Variants in CAST observed in about 807,000 individuals in gnomAD.
The protein encoded by CAST is calpastatin.
Under a neutral mutation model 119.6 loss-of-function variants are expected in CAST, and 76 were observed. The observed-to-expected ratio is 0.64, with a 90% CI of 0.53 to 0.77. CAST has a LOEUF of 0.77. CAST is among the 30% of genes least tolerant of loss of function. The pLI, the probability that CAST is intolerant of heterozygous loss-of-function variation, is 0.00. For synonymous variants in CAST, 319 were observed against 331.6 expected (o/e 0.96, Z 0.41); for missense variants, 953 against 946.5 (o/e 1.01, Z -0.09).
chr5:96,312,521 A>T, the CAST span, among the ~76,000 whole-genome samples: 86 of 152,244 alleles, frequency 5.6e-4, no homozygotes, highest in African/African-American at 1.9e-3. Context: ...AAGGCTGTCA[A>T]AACAAGGAAG....
the CAST span, among the ~76,000 whole-genome samples, chr5:96,084,934 C>T: frequency 6.6e-6 from 1 of 152,236 alleles, no homozygotes; most frequent in Non-Finnish European, 1.5e-5. Flanking sequence ...ATGCTCACTA[C>T]TGTATATGGC....
At chr5:96,301,357 G>A in the CAST span, among the ~76,000 whole-genome samples, 1 of 152,044 alleles carries the variant, frequency 6.6e-6, no homozygotes, top group Non-Finnish European at 1.5e-5. Flanking sequence ...GGGACACAGA[G>A]CCAAATCATA....
At chr5:96,612,488 C>A (rs916596942) in intron 1 of CAST, among the ~76,000 whole-genome samples, 8 of 152,162 alleles carry the variant, frequency 5.3e-5, no homozygotes, top group Non-Finnish European at 1.2e-4. Context: ...TATGTTCACT[C>A]TCTGGGTGTT....
the CAST span, among the ~76,000 whole-genome samples, chr5:96,005,505 G>A: frequency 6.6e-6 from 1 of 152,160 alleles, no homozygotes; most frequent in African/African-American, 2.4e-5. Context: ...TTTAGAAACA[G>A]AGAAGTAACT....
intron 1 of CAST, among the ~76,000 whole-genome samples, chr5:96,581,565 A>G (rs981076779): frequency 6.6e-6 from 1 of 152,200 alleles, no homozygotes; most frequent in Non-Finnish European, 1.5e-5. Context: ...TTACATATAT[A>G]CATACAAATA....
chr5:96,666,324 T>C (rs1749338629), intron 1 of CAST, among the ~76,000 whole-genome samples: 1 of 152,060 alleles, frequency 6.6e-6, no homozygotes, highest in Admixed American at 6.6e-5. Flanking sequence ...CTATGAGCTA[T>C]GTAATGATCA....
At chr5:95,964,066 C>G in the CAST span, among the ~76,000 whole-genome samples, 1 of 152,122 alleles carries the variant, frequency 6.6e-6, no homozygotes, top group Non-Finnish European at 1.5e-5. Flanking sequence ...GGTAACAAAT[C>G]TTTCACGGAT....
At chr5:96,466,838 T>C in the CAST span, among the ~76,000 whole-genome samples, 1 of 152,132 alleles carries the variant, frequency 6.6e-6, no homozygotes, top group Admixed American at 6.6e-5. Flanking sequence ...GTATTTGTAT[T>C]GCTGGAGGTA....
chr5:96,006,532 G>A, the CAST span, among the ~76,000 whole-genome samples: 1 of 152,136 alleles, frequency 6.6e-6, no homozygotes, highest in Non-Finnish European at 1.5e-5. Context: ...CTTCATCAGG[G>A]GAGTGGTAGT....
the CAST span, among the ~76,000 whole-genome samples, chr5:95,982,626 A>G: frequency 6.6e-6 from 1 of 152,204 alleles, no homozygotes; most frequent in African/African-American, 2.4e-5. Flanking sequence ...AGTGCCTCGC[A>G]GAGTGTGTGT....
the CAST span, among the ~76,000 whole-genome samples, chr5:96,237,702 C>A: frequency 6.6e-6 from 1 of 151,794 alleles, no homozygotes; most frequent in Non-Finnish European, 1.5e-5. Flanking sequence ...TCTATTGAGA[C>A]TTTAAGTATA....
the CAST span, among the ~76,000 whole-genome samples, chr5:95,988,202 G>A: frequency 1.3e-5 from 2 of 152,192 alleles, no homozygotes; most frequent in Admixed American, 1.3e-4. Flanking sequence ...AAGTAAACAA[G>A]CAAGTGGGAA....
chr5:96,133,915 T>G, the CAST span, among the ~76,000 whole-genome samples: 1 of 152,332 alleles, frequency 6.6e-6, no homozygotes, highest in East Asian at 1.9e-4. Context: ...GGGCTGCTAC[T>G]GAAGCCCTCA....
chr5:96,500,237 C>G, the CAST span, among the ~76,000 whole-genome samples: 16 of 152,236 alleles, frequency 1.1e-4, no homozygotes, highest in African/African-American at 3.9e-4. Context: ...AAAAGTGTGC[C>G]TATAGACTTG....
chr5:95,998,465 A>G, the CAST span, among the ~76,000 whole-genome samples: 5 of 152,130 alleles, frequency 3.3e-5, no homozygotes, highest in South Asian at 8.3e-4. Flanking sequence ...CTGCATGTCC[A>G]TGTACCCCAG....
chr5:96,631,695 G>C (rs1747821310), intron 1 of CAST, among the ~76,000 whole-genome samples: 2 of 151,012 alleles, frequency 1.3e-5, no homozygotes, highest in South Asian at 4.2e-4. Flanking sequence ...ACCACGCCCG[G>C]ATAATTTTTT....
the CAST span, among the ~76,000 whole-genome samples, chr5:96,256,146 CA>C: frequency 6.7e-6 from 1 of 150,142 alleles, no homozygotes; most frequent in African/African-American, 2.4e-5. Context: ...GTATCACCAT[CA>C]ATAATCAAGG....
chr5:96,288,258 C>T, the CAST span, among the ~76,000 whole-genome samples: 11 of 152,170 alleles, frequency 7.2e-5, no homozygotes, highest in South Asian at 4.1e-4. Context: ...CTGTTTTTTC[C>T]TCCTCACATT....
chr5:96,723,082 A>G (rs561217447), intron 4 of CAST, among the ~76,000 whole-genome samples: 19 of 152,260 alleles, frequency 1.2e-4, no homozygotes, highest in African/African-American at 4.6e-4. Context: ...AGCTGGGGCT[A>G]CAGAGGCACA....
Sources: allele counts gnomAD v4.1 joint callset (sites outside exome capture counted in the v4.1 genomes callset), GRCh38; gene constraint gnomAD v4.1.1; transcripts MANE v1.5; gene names NCBI Gene and HGNC (gene_info 2026-07-23, HGNC 2026-07-21).